TAF1C: variants seen among roughly 807,000 people sequenced by gnomAD.
The protein encoded by TAF1C is TATA box-binding protein-associated factor RNA polymerase I subunit C.
Under a neutral mutation model 70.5 loss-of-function variants are expected in TAF1C, and 79 were observed. That is an observed-to-expected ratio of 1.12 (90% CI 0.93 to 1.35). The LOEUF (loss-of-function observed/expected upper bound fraction) is 1.35. TAF1C is among the 40% of genes most tolerant of loss of function. The pLI, the probability that TAF1C is intolerant of heterozygous loss-of-function variation, is 0.00. For synonymous variants in TAF1C, 614 were observed against 491.1 expected (o/e 1.25, Z -3.31); for missense variants, 1,412 against 1,127.8 (o/e 1.25, Z -3.61).
At chr16:84,181,019 G>A (rs762328353) in intron 12 of TAF1C, 24 bp downstream of exon 12, 23 of 1,585,442 alleles carry the variant, frequency 1.5e-5, no homozygotes, top group South Asian at 2.2e-5. Context: ...GAGGTGGGGC[G>A]GGGCGGTGTT....
Position 84,182,446 on chromosome 16 carries a change from G to T in TAF1C, c.483-6C>A. 5 of 1,596,878 alleles carry T rather than the reference G, an allele frequency of 3.1e-6. No homozygotes were observed. The highest frequency in any genetic ancestry group is 1.1e-5 in the South Asian group (1 of 89,642). On this transcript the variant is annotated splice_polypyrimidine_tract_variant and splice_region_variant and intron_variant, in intron 6 of 14. Coordinates refer to ENST00000566732, the MANE Select transcript of TAF1C (RefSeq NM_001243156.2). The surrounding 1 kb of genome is among the most constrained non-coding windows in gnomAD (Gnocchi z 5.0). ...TGAGGTAAGCCCAGGGACACCTGGG[G>T]ACCAGAGAACAGCAGGAGGATCACT...
chr16:84,183,801 G>A, intron 2 of TAF1C, 23 bp from the exon 3 acceptor site: 1 of 1,591,134 alleles, frequency 6.3e-7, no homozygotes, highest in South Asian at 1.1e-5. Flanking sequence ...CAATCGCAAG[G>A]ACAGTATCAT....
chr16:84,179,327 C>A lies in TAF1C; in HGVS notation c.2146G>T (p.Glu716Ter). 1 of 1,600,986 alleles carries A rather than the reference C, an allele frequency of 6.2e-7. No individual in the cohort carries two copies. The highest frequency in any genetic ancestry group is 8.5e-7 in the Non-Finnish European group (1 of 1,179,218). Residue 716 changes from glutamate to a stop codon, truncating the protein, a stop_gained, in exon 15 of 15, where the codon GAG (glutamate) becomes TAG (stop). Transcript: ENST00000566732. LOFTEE classifies it low-confidence loss of function (END_TRUNC). ...GGCCGCCTGGTCTGTCTCCCGGGCTCCGAGGTCCTGCCCTGCTGCCTCTCC... is the reference window on the plus strand; with the variant it reads ...GGCCGCCTGGTCTGTCTCCCGGGCTACGAGGTCCTGCCCTGCTGCCTCTCC... ...WWERQQGRTS[E>*]PGRQTRRPKR...
Position 84,178,593 on chromosome 16 carries a change from C to A in TAF1C, c.*348G>T, listed in dbSNP as rs529563485. ...CACTCCTGGCCCCCATTCCACTGGACAGGAAGGCGTGAGAACTGAGGGACC... is the reference window on the plus strand; with the variant it reads ...CACTCCTGGCCCCCATTCCACTGGAAAGGAAGGCGTGAGAACTGAGGGACC... On this transcript the variant is annotated 3_prime_UTR_variant, in exon 15 of 15. Transcript: ENST00000566732. The A allele has an allele frequency of 2.3e-6, 1 of 426,188 alleles. No individual in the cohort carries two copies. The highest frequency in any genetic ancestry group is 4.5e-6 in the Non-Finnish European group (1 of 221,578). 26.4% of individuals were successfully genotyped at this position (426,188 alleles called of 1,614,324 possible). A position where few individuals can be genotyped will look rare whatever the true frequency, so the allele number is the denominator to read the frequency against.
In TAF1C at chr16:84,183,074, GC is replaced by G. The variant is rs771199029; in HGVS notation, c.482+1del. On this transcript the variant is annotated splice_donor_variant, in intron 6 of 14. Coordinates refer to ENST00000566732, the MANE Select transcript of TAF1C (RefSeq NM_001243156.2). LOFTEE classifies it high-confidence loss of function. ...TCTCCTCCTTTCTCATCAGCCACTTGCCCCCAGGGCTGGTGTCCACCGAGGT... is the reference window on the plus strand; with the variant it reads ...TCTCCTCCTTTCTCATCAGCCACTTGCCCCAGGGCTGGTGTCCACCGAGGT... The G allele has an allele frequency of 1.9e-6, 3 of 1,613,932 alleles. No individual in the cohort carries two copies. Among genetic ancestry groups the G allele is most frequent in the Non-Finnish European group, 2.5e-6 (3 of 1,179,968 alleles).
At position 84,183,335 on chromosome 16, in the gene TAF1C, T is replaced by G; in HGVS notation, c.319-2A>C. The stretch of plus-strand genomic sequence containing the variant: ...ATGATCCAAGAGGAACCGGCTGATC[T>G]GGGGAGAAGAGGAGGCCAGGTCACT... On this transcript the variant is annotated splice_acceptor_variant, in intron 4 of 14. Transcript: ENST00000566732. LOFTEE classifies it high-confidence loss of function. The G allele has an allele frequency of 6.2e-7, 1 of 1,613,964 alleles. No homozygotes were observed. The highest frequency in any genetic ancestry group is 2.2e-5 in the East Asian group (1 of 44,876).
At position 84,179,550 on chromosome 16, in the gene TAF1C, T is replaced by C; in HGVS notation, c.1923A>G (p.Thr641=). Residue 641 remains threonine, a synonymous_variant, in exon 15 of 15, where the codon ACA becomes ACG. Transcript: ENST00000566732. ...TFTHRQMLGS[T]ELRREEEEGQ... ...CTTCCTCTTCCTCCCTCCGCAGCTC[T>C]GTGCTGCCCAGCATCTGGCGGTGGG... The C allele has an allele frequency of 6.2e-7, 1 of 1,611,996 alleles. No homozygotes were observed. The highest frequency in any genetic ancestry group is 1.3e-5 in the African/African-American group (1 of 75,034).
chr16:84,182,153 C>A lies in TAF1C; in HGVS notation c.721+49G>T, dbSNP rs752769668. The A allele has an allele frequency of 1.8e-5, 29 of 1,591,830 alleles. No homozygotes were observed. ...CTGGACCATGCCAAGAGCACCTCCT[C>A]TACCAGAGGCGAGCCCGCTGGAATC... is the stretch of plus-strand genomic sequence containing the variant. On this transcript the variant is annotated intron_variant, in intron 7 of 14. Coordinates refer to ENST00000566732, the MANE Select transcript of TAF1C (RefSeq NM_001243156.2). This position sits in a 1 kb window ranked among gnomAD's most constrained non-coding sequence, Gnocchi z 5.0.
rs1466380167 is a variant in TAF1C at position 84,181,764 on chromosome 16, G to A, written c.938C>T (p.Ala313Val). 1.2e-6 allele frequency: 2 copies of A among 1,614,046 alleles called. No homozygotes were observed. The highest frequency in any genetic ancestry group is 1.3e-5 in the African/African-American group (1 of 75,008). ...LLQAMQVEKG[A>V]TGISLSPHLP... ...CCCTCACCTGAGGCTGATCCCCGTG[G>A]CCCCTTTCTCCACCTGCATTGCCTG... The change falls in exon 9 of 15, where the codon GCC (alanine) becomes GTC (valine). Residue 313 changes from alanine (A) to valine (V), a missense_variant. Physicochemically the swap from Ala to Val is moderately conservative, Grantham distance 64. Coordinates refer to ENST00000566732, the MANE Select transcript of TAF1C (RefSeq NM_001243156.2).
intron 2 of TAF1C, among the ~76,000 whole-genome samples, chr16:84,184,630 G>T (rs546130435): frequency 7.9e-5 from 12 of 152,324 alleles, no homozygotes; most frequent in Non-Finnish European, 1.3e-4. Flanking sequence ...GATTCAGGCA[G>T]CATTCTCACG....
At chr16:84,180,126 C>T (rs771143277) in intron 13 of TAF1C, 43 bp from the exon 14 acceptor site, 41 of 1,563,964 alleles carry the variant, frequency 2.6e-5, no homozygotes, top group Admixed American at 1.0e-4. Flanking sequence ...AGGCCCCGAC[C>T]GCCCCATCTC....
rs189027696 is a variant in TAF1C at position 84,184,926 on chromosome 16, G to C, written c.63C>G (p.Asp21Glu). Reference sequence around the variant, plus strand: ...TGCACATGAAAGAGAGGTCAGGGACGTCGCTCAGACCAAGGGGGCCGGTCA... The same window carrying C: ...TGCACATGAAAGAGAGGTCAGGGACCTCGCTCAGACCAAGGGGGCCGGTCA... ...LFLTGPLGLS[D>E]VPDLSFMCSW... The change falls in exon 2 of 15, where the codon GAC becomes GAG. Residue 21 changes from aspartate to glutamate, a missense_variant. Coordinates refer to ENST00000566732, the MANE Select transcript of TAF1C (RefSeq NM_001243156.2). 6.2e-7 allele frequency: 1 copy of C among 1,613,770 alleles called. No homozygotes were observed.
At position 84,179,171 on chromosome 16, in the gene TAF1C, G is replaced by A. The variant is rs780005846; in HGVS notation, c.2302C>T (p.Pro768Ser). 4 of 1,598,606 alleles carry A rather than the reference G, an allele frequency of 2.5e-6. No homozygotes were observed. In the East Asian group the frequency reaches 9.0e-5, roughly 36 times the overall value. ...GCATCCGGAGTCAACTCCTGGGAGG[G>A]CGGGGTCGTGGGGGGCAGGGGCAGA... ...DALPLPPTTP[P>S]SQELTPDACA... The change falls in exon 15 of 15, where the codon CCC becomes TCC. Residue 768 changes from proline (P) to serine (S), a missense_variant. Transcript: ENST00000566732.
chr16:84,180,363 G>T lies in TAF1C; in HGVS notation c.1309-19C>A, dbSNP rs186016606. On this transcript the variant is annotated intron_variant, in intron 12 of 14. Coordinates refer to ENST00000566732, the MANE Select transcript of TAF1C (RefSeq NM_001243156.2). Reference sequence around the variant, plus strand: ...GAGAGAACTGGGGCCCGAGAAGGAAGGGGGATGTGGCCGAACTTGGGAGCT... The same window carrying T: ...GAGAGAACTGGGGCCCGAGAAGGAATGGGGATGTGGCCGAACTTGGGAGCT... The T allele has an allele frequency of 2.0e-6, 3 of 1,531,360 alleles. No homozygotes were observed. The highest frequency in any genetic ancestry group is 2.8e-5 in the African/African-American group (2 of 72,346). The allele number at this position is 1,531,360 out of a possible 1,614,324, so 94.9% of individuals were successfully genotyped here. A position where few individuals can be genotyped will look rare whatever the true frequency, so the allele number is the denominator to read the frequency against.
Position 84,179,580 on chromosome 16 carries a change from G to A in TAF1C, c.1893C>T (p.Thr631=), listed in dbSNP as rs2088986937. The A allele has an allele frequency of 1.9e-6, 3 of 1,612,770 alleles. No individual in the cohort carries two copies. Among genetic ancestry groups the A allele is most frequent in the Non-Finnish European group, 2.5e-6 (3 of 1,179,930 alleles). The change falls in exon 15 of 15, where the codon ACC becomes ACT. Residue 631 remains threonine, a synonymous_variant. Coordinates refer to ENST00000566732, the MANE Select transcript of TAF1C (RefSeq NM_001243156.2). ...TGCCCAGCATCTGGCGGTGGGTGAA[G>A]GTGGGTGCTGTCCACACAGGAGGAG... ...PLAPPVWTAP[T]FTHRQMLGST...
In TAF1C at chr16:84,182,217, C is replaced by G. The variant is rs763078093; in HGVS notation, c.706G>C (p.Ala236Pro). The change falls in exon 7 of 15, where the codon GCC becomes CCC. Residue 236 changes from alanine (A) to proline (P), a missense_variant. Coordinates refer to ENST00000566732, the MANE Select transcript of TAF1C (RefSeq NM_001243156.2). This position sits in a 1 kb window ranked among gnomAD's most constrained non-coding sequence, Gnocchi z 5.0. ...FGQLVYPAGG[A>P]QDRLHFQEVV... ...GAAAGGATACGCAGCCTGTCCTGGG[C>G]GCCTCCAGCAGGGTAGACCAGCTGC... 7.5e-6 allele frequency: 12 copies of G among 1,610,634 alleles called. No homozygotes were observed.
chr16:84,180,755 C>G, intron 12 of TAF1C: 2 of 1,272,968 alleles, frequency 1.6e-6, no homozygotes, highest in Non-Finnish European at 2.0e-6. Flanking sequence ...ACAGCAGAAA[C>G]TCTCCAGCTC....
At position 84,180,930 on chromosome 16, in the gene TAF1C, T is replaced by C. The variant is rs959359628; in HGVS notation, c.1308+113A>G. ...GCCACAGATTCATCCAGGGTTGAGT[T>C]TGGTTTGCTGGGTGGTTGTCTGGGC... On this transcript the variant is annotated intron_variant, in intron 12 of 14. Coordinates refer to ENST00000566732, the MANE Select transcript of TAF1C (RefSeq NM_001243156.2). 65 of 1,451,944 alleles carry C rather than the reference T, an allele frequency of 4.5e-5. No homozygotes were observed. The African/African-American group carries it at 7.0e-4, about 16-fold the overall frequency. The allele number at this position is 1,451,944 out of a possible 1,614,324, so 89.9% of individuals were successfully genotyped here.
At position 84,183,282 on chromosome 16, in the gene TAF1C, TCC is replaced by T; in HGVS notation, c.368_369del (p.Gly123GlufsTer17). 1 of 1,613,882 alleles carries T rather than the reference TCC, an allele frequency of 6.2e-7. No individual in the cohort carries two copies. The highest frequency in any genetic ancestry group is 8.5e-7 in the Non-Finnish European group (1 of 1,180,010). ...DHGDVAFAPL[G>X]KLMLENFKLE... Reference sequence around the variant, plus strand: ...AGCTTGAAATTCTCCAGCATCAGCTTCCCCAGGGGCGCAAAGGCTACGTCTCC... The same window carrying T: ...AGCTTGAAATTCTCCAGCATCAGCTTCCAGGGGCGCAAAGGCTACGTCTCC... On this transcript the variant is annotated frameshift_variant, in exon 5 of 15. Transcript: ENST00000566732. LOFTEE classifies it high-confidence loss of function.
Sources: allele counts gnomAD v4.1 joint callset (sites outside exome capture counted in the v4.1 genomes callset), GRCh38; gene constraint gnomAD v4.1.1; non-coding constraint Gnocchi (gnomAD v3.1); transcripts MANE v1.5; gene names NCBI Gene and HGNC (gene_info 2026-07-23, HGNC 2026-07-21).